Variants in NCAM2 observed in about 807,000 individuals in gnomAD.
NCAM2 encodes the protein neural cell adhesion molecule 2.
In NCAM2, 30 loss-of-function variants were observed where a neutral mutation model predicts 98.1. That is an observed-to-expected ratio of 0.31 (90% CI 0.23 to 0.41). NCAM2 has a LOEUF of 0.41. Among genes scored for constraint, NCAM2 ranks in the 10% least tolerant of loss-of-function variants. NCAM2 has a pLI of 1.00. For synonymous variants in NCAM2, 368 were observed against 342.4 expected, an observed-to-expected ratio of 1.07 and a Z score of -0.83; for missense variants, 867 against 1,005.8, an observed-to-expected ratio of 0.86 and a Z score of 1.87.
chr21:21,275,400 A>T (rs2072690424), intron 1 of NCAM2, among the ~76,000 whole-genome samples: 1 of 152,048 alleles, frequency 6.6e-6, no homozygotes, highest in Admixed American at 6.5e-5. Context: ...AGATCATGCC[A>T]CTGCACTCCA....
Position 21,539,239 on chromosome 21 carries a change from T to G in NCAM2, c.*1282T>G, listed in dbSNP as rs142165520. ...ATGCAAGCTCCCAGAGGTAATAGAG[T>G]GACACATGATTTAACTTATATGTAA... On this transcript the variant is annotated 3_prime_UTR_variant, in exon 18 of 18. Coordinates refer to ENST00000400546, the MANE Select transcript of NCAM2 (RefSeq NM_004540.5). 6.6e-6 allele frequency: 1 copy of G among 152,140 alleles called. No individual in the cohort carries two copies. The highest frequency in any genetic ancestry group is 6.6e-5 in the Admixed American group (1 of 15,252). 9.4% of individuals were successfully genotyped at this position (152,140 alleles called of 1,614,324 possible). A position where few individuals can be genotyped will look rare whatever the true frequency, so the allele number is the denominator to read the frequency against.
At chr21:21,412,976 TGTCA>T (rs1373555148) in intron 10 of NCAM2, among the ~76,000 whole-genome samples, 1 of 152,172 alleles carries the variant, frequency 6.6e-6, no homozygotes, top group African/African-American at 2.4e-5. Flanking sequence ...CTTAACAAGT[TGTCA>T]GTAATAAATT....
chr21:21,521,670 T>G (rs2146390007), intron 16 of NCAM2, among the ~76,000 whole-genome samples: 1 of 151,504 alleles, frequency 6.6e-6, no homozygotes, highest in Non-Finnish European at 1.5e-5. Context: ...TGAAGGTATC[T>G]CAGCAGAAAC....
chr21:21,091,580 A>T (rs892345023), intron 1 of NCAM2, among the ~76,000 whole-genome samples: 3 of 152,180 alleles, frequency 2.0e-5, no homozygotes, highest in Admixed American at 1.3e-4. Context: ...AGGCCTCAGA[A>T]TCATGGCAGA....
In NCAM2 at chr21:21,082,290, A is replaced by AAC. The variant is rs1555882254; in HGVS notation, c.55+83673_55+83674insCA. Among the ~76,000 whole-genome samples, 13 of 149,390 alleles carry AAC rather than the reference A, an allele frequency of 8.7e-5. 1 individual carries two copies. Among genetic ancestry groups the AAC allele is most frequent in the South Asian group, 2.1e-4 (1 of 4,766 alleles). The stretch of plus-strand genomic sequence containing the variant: ...CTATCAGAGCTCAAAACAAAAAAAA[A>AAC]AAAACAAAACAAAAACACCTTATTG... On this transcript the variant is annotated intron_variant, in intron 1 of 17. Transcript: ENST00000400546.
At chr21:21,511,394 T>C (rs1988371174) in intron 16 of NCAM2, among the ~76,000 whole-genome samples, 1 of 152,002 alleles carries the variant, frequency 6.6e-6, no homozygotes, top group African/African-American at 2.4e-5. Flanking sequence ...TATTTTTCTT[T>C]CTGCACTGAC....
chr21:21,374,730 C>A (rs950912591), intron 9 of NCAM2, among the ~76,000 whole-genome samples: 12 of 151,750 alleles, frequency 7.9e-5, no homozygotes, highest in African/African-American at 2.9e-4. Flanking sequence ...ATTGGAGAGT[C>A]TCTGATGCTT....
chr21:21,395,666 C>A (rs1403452447), intron 9 of NCAM2, among the ~76,000 whole-genome samples: 4 of 152,030 alleles, frequency 2.6e-5, no homozygotes, highest in South Asian at 4.1e-4. Context: ...TAAATAGACA[C>A]ACAGTCCAAT....
chr21:21,523,894 CAAAT>C (rs1989170865), intron 16 of NCAM2, among the ~76,000 whole-genome samples: 1 of 127,726 alleles, frequency 7.8e-6, no homozygotes, highest in Non-Finnish European at 1.6e-5. Context: ...ATAAGGGCAA[CAAAT>C]AAAATAGTTA....
chr21:21,115,023 G>A (rs1272644898), intron 1 of NCAM2, among the ~76,000 whole-genome samples: 1 of 151,946 alleles, frequency 6.6e-6, no homozygotes, highest in African/African-American at 2.4e-5. Flanking sequence ...GTTTCACCAT[G>A]TTGGCCAGGC....
In NCAM2 at chr21:21,064,043, G is replaced by T. The variant is rs1031517433; in HGVS notation, c.55+65425G>T. 7.2e-5 allele frequency among the ~76,000 whole-genome samples: 11 copies of T among 152,278 alleles called. No individual in the cohort carries two copies. In the South Asian group the frequency reaches 1.2e-3, roughly 17 times the overall value. ...GGGATACTGGGTGATTCTTGCCAAAGAATTAGGGGGATACAGATCTTAAGT... is the reference window on the plus strand; with the variant it reads ...GGGATACTGGGTGATTCTTGCCAAATAATTAGGGGGATACAGATCTTAAGT... On this transcript the variant is annotated intron_variant, in intron 1 of 17. Coordinates refer to ENST00000400546, the MANE Select transcript of NCAM2 (RefSeq NM_004540.5).
chr21:21,443,722 G>A (rs1328316817), intron 12 of NCAM2, among the ~76,000 whole-genome samples: 1 of 152,066 alleles, frequency 6.6e-6, no homozygotes, highest in Middle Eastern at 3.2e-3. Context: ...CAGTTGTTCT[G>A]TAGGAGGACC....
chr21:21,503,633 T>A (rs188905036), intron 15 of NCAM2, among the ~76,000 whole-genome samples: 5 of 152,106 alleles, frequency 3.3e-5, no homozygotes, highest in Admixed American at 2.6e-4. Context: ...GAGGAGGGAC[T>A]ACTGTATATA....
chr21:21,245,753 T>G (rs1020116617), intron 1 of NCAM2, among the ~76,000 whole-genome samples: 1 of 151,018 alleles, frequency 6.6e-6, no homozygotes, highest in African/African-American at 2.5e-5. Context: ...ACATTATTTC[T>G]TTCTTTCTTC....
intron 14 of NCAM2, among the ~76,000 whole-genome samples, chr21:21,472,012 G>A (rs1984502961): frequency 6.6e-6 from 1 of 151,844 alleles, no homozygotes; most frequent in South Asian, 2.1e-4. Flanking sequence ...TGAAATGTTT[G>A]GAAAAAATCA....
At chr21:21,020,921 T>A (rs1006925736) in intron 1 of NCAM2, among the ~76,000 whole-genome samples, 4 of 152,126 alleles carry the variant, frequency 2.6e-5, no homozygotes, top group African/African-American at 9.7e-5. Context: ...CGTCCATGCT[T>A]GTTGCAAAGA....
chr21:21,034,059 G>A (rs187580232), intron 1 of NCAM2, among the ~76,000 whole-genome samples: 2 of 150,322 alleles, frequency 1.3e-5, no homozygotes, highest in East Asian at 2.1e-4. Context: ...CAAAGGGGGG[G>A]GGGAAACAAA....
intron 1 of NCAM2, among the ~76,000 whole-genome samples, chr21:21,120,561 C>T (rs537928450): frequency 1.3e-5 from 2 of 152,008 alleles, no homozygotes; most frequent in Non-Finnish European, 2.9e-5. Context: ...AGGCGGGGGA[C>T]GCTGCTTCGG....
intron 1 of NCAM2, among the ~76,000 whole-genome samples, chr21:21,057,634 G>C (rs2065238806): frequency 6.6e-6 from 1 of 151,990 alleles, no homozygotes; most frequent in Non-Finnish European, 1.5e-5. Flanking sequence ...TCCCCATCAC[G>C]ACTGCTTTTG....
Sources: allele counts gnomAD v4.1 joint callset (sites outside exome capture counted in the v4.1 genomes callset), GRCh38; gene constraint gnomAD v4.1.1; transcripts MANE v1.5; gene names NCBI Gene and HGNC (gene_info 2026-07-23, HGNC 2026-07-21).